ZBTB20: variants seen among roughly 807,000 people sequenced by gnomAD.
The protein encoded by ZBTB20 is zinc finger and BTB domain containing 20.
A neutral mutation model predicts 56.9 loss-of-function variants in ZBTB20; 9 were observed. That is an observed-to-expected ratio of 0.16 (90% CI 0.10 to 0.28). ZBTB20 has a LOEUF of 0.28. ZBTB20 is among the 10% of genes least tolerant of loss of function. ZBTB20 has a pLI of 1.00. For synonymous variants in ZBTB20, 417 were observed against 420.7 expected (o/e 0.99, Z 0.11); for missense variants, 655 against 1,003.0 (o/e 0.65, Z 4.69).
rs565290581 is a variant in ZBTB20 at position 115,126,122 on chromosome 3, A to G, written c.-703+21097T>C. ...TACATGTTCACAGCCTTGTTTCTTG[A>G]GAAGCAAGAAAGTTCACATCAAGAC... On this transcript the variant is annotated intron_variant, in intron 1 of 11. Transcript: ENST00000675478. 2.0e-5 allele frequency among the ~76,000 whole-genome samples: 3 copies of G among 152,330 alleles called. No homozygotes were observed. In the East Asian group the frequency reaches 5.8e-4, roughly 29 times the overall value.
chr3:114,705,110 C>CGGGA (rs1283696160), intron 5 of ZBTB20, among the ~76,000 whole-genome samples: 1 of 152,124 alleles, frequency 6.6e-6, no homozygotes, highest in East Asian at 1.9e-4. Flanking sequence ...AAGGGCTGAG[C>CGGGA]TCCCATAATA....
At chr3:114,635,809 C>T (rs1022281206) in intron 6 of ZBTB20, among the ~76,000 whole-genome samples, 6 of 151,868 alleles carry the variant, frequency 4.0e-5, no homozygotes, top group Non-Finnish European at 7.4e-5. Context: ...ACTTATGGGA[C>T]TCAAACAAGT....
chr3:114,373,937 G>C (rs779747136), intron 10 of ZBTB20, among the ~76,000 whole-genome samples: 1 of 152,010 alleles, frequency 6.6e-6, no homozygotes, highest in Non-Finnish European at 1.5e-5. Flanking sequence ...AAAAAATAGA[G>C]GTAGATTAAG....
At position 115,050,861 on chromosome 3, in the gene ZBTB20, G is replaced by A. The variant is rs1055755552; in HGVS notation, c.-507+20358C>T. ...AATAATAAAAGGATGGTAATAAGAT[G>A]AAAGGTACTCTACAACTCTATTAGA... On this transcript the variant is annotated intron_variant, in intron 2 of 11. Transcript: ENST00000675478. Among the ~76,000 whole-genome samples the A allele has an allele frequency of 5.3e-5, 8 of 152,120 alleles. No homozygotes were observed. The South Asian group carries it at 8.3e-4, about 16-fold the overall frequency.
At chr3:114,604,947 C>A (rs1435003721) in intron 6 of ZBTB20, among the ~76,000 whole-genome samples, 1 of 151,958 alleles carries the variant, frequency 6.6e-6, no homozygotes, top group African/African-American at 2.4e-5. Flanking sequence ...GAACAAAACA[C>A]ATTTCTTGAG....
At chr3:114,561,801 G>A (rs1174291631) in intron 6 of ZBTB20, among the ~76,000 whole-genome samples, 1 of 152,038 alleles carries the variant, frequency 6.6e-6, no homozygotes, top group East Asian at 1.9e-4. Flanking sequence ...TAACAAGACA[G>A]TAAGCCTATC....
intron 7 of ZBTB20, among the ~76,000 whole-genome samples, chr3:114,412,334 G>C (rs1332632194): frequency 1.3e-5 from 2 of 152,088 alleles, no homozygotes; most frequent in African/African-American, 4.8e-5. Context: ...ACAAATGTAA[G>C]ACATTTATTT....
chr3:114,380,174 T>A lies in ZBTB20; in HGVS notation c.199+43A>T, dbSNP rs752829833. On this transcript the variant is annotated intron_variant, in intron 10 of 11. Coordinates refer to ENST00000675478, the MANE Select transcript of ZBTB20 (RefSeq NM_001348800.3). ...CCAGAACCCAGGGTAGAAGCACTAC[T>A]CCAAGCACTGCAAAGACACCATCAC... 1.1e-5 allele frequency: 17 copies of A among 1,496,232 alleles called. No individual in the cohort carries two copies. The African/African-American group carries it at 1.9e-4, about 17-fold the overall frequency. The allele number at this position is 1,496,232 out of a possible 1,614,324, so 92.7% of individuals were successfully genotyped here. A position where few individuals can be genotyped will look rare whatever the true frequency, so the allele number is the denominator to read the frequency against.
chr3:115,098,470 A>G (rs1300674469), intron 1 of ZBTB20, among the ~76,000 whole-genome samples: 2 of 152,196 alleles, frequency 1.3e-5, no homozygotes, highest in Non-Finnish European at 2.9e-5. Flanking sequence ...ATCGTGTACC[A>G]TATTAACATA....
At chr3:114,943,597 A>T (rs2076791815) in intron 3 of ZBTB20, among the ~76,000 whole-genome samples, 1 of 145,474 alleles carries the variant, frequency 6.9e-6, no homozygotes, top group African/African-American at 2.8e-5. Context: ...ACTCAATCGC[A>T]GCCAGTTAGA....
chr3:114,406,440 C>T (rs576211891), intron 7 of ZBTB20, among the ~76,000 whole-genome samples: 2 of 152,188 alleles, frequency 1.3e-5, no homozygotes, highest in South Asian at 2.1e-4. Flanking sequence ...GTCTCAAGAA[C>T]ATTTTCTGCT....
chr3:114,850,836 G>A (rs547525973), intron 4 of ZBTB20, among the ~76,000 whole-genome samples: 1 of 152,302 alleles, frequency 6.6e-6, no homozygotes, highest in East Asian at 1.9e-4. Context: ...GGATGTTTGG[G>A]AAGACTGTGT....
intron 1 of ZBTB20, among the ~76,000 whole-genome samples, chr3:115,076,945 C>T (rs1055535896): frequency 1.1e-4 from 17 of 152,094 alleles, no homozygotes; most frequent in Admixed American, 4.6e-4. Context: ...ATGCACAGTT[C>T]GCAATAGGGT....
At chr3:114,780,006 T>G (rs1355618451) in intron 5 of ZBTB20, among the ~76,000 whole-genome samples, 2 of 152,170 alleles carry the variant, frequency 1.3e-5, no homozygotes, top group African/African-American at 4.8e-5. Flanking sequence ...TTTGAAGTAG[T>G]TTAGTGAATT....
chr3:114,342,383 G>A (rs139790120), intron 11 of ZBTB20, among the ~76,000 whole-genome samples: 47 of 152,310 alleles, frequency 3.1e-4, no homozygotes, highest in African/African-American at 1.0e-3. Flanking sequence ...GGTCAGGAAT[G>A]GCAAGTCTGA....
intron 4 of ZBTB20, among the ~76,000 whole-genome samples, chr3:114,859,574 T>C (rs942767010): frequency 1.2e-4 from 1 of 8,438 alleles, no homozygotes. Context: ...CTTATGGCGT[T>C]TTTTTTTTTT....
chr3:114,365,589 G>C (rs1180311158), intron 10 of ZBTB20, among the ~76,000 whole-genome samples: 1 of 152,180 alleles, frequency 6.6e-6, no homozygotes, highest in Non-Finnish European at 1.5e-5. Context: ...TTAGACCCAG[G>C]AAAAAGATGA....
At chr3:114,584,663 T>G (rs1157999793) in intron 6 of ZBTB20, among the ~76,000 whole-genome samples, 1 of 152,214 alleles carries the variant, frequency 6.6e-6, no homozygotes, top group African/African-American at 2.4e-5. Flanking sequence ...GACAGTAATG[T>G]GTGCAATTTG....
intron 4 of ZBTB20, among the ~76,000 whole-genome samples, chr3:114,848,954 A>G (rs542046687): frequency 6.6e-6 from 1 of 152,316 alleles, no homozygotes; most frequent in South Asian, 2.1e-4. Flanking sequence ...TGGTCACCCC[A>G]TTAACTTTGA....
Sources: allele counts gnomAD v4.1 joint callset (sites outside exome capture counted in the v4.1 genomes callset), GRCh38; gene constraint gnomAD v4.1.1; transcripts MANE v1.5; gene names NCBI Gene and HGNC (gene_info 2026-07-23, HGNC 2026-07-21).